Variants in GALNTL6 observed in about 807,000 individuals in gnomAD.
GALNTL6 encodes polypeptide N-acetylgalactosaminyltransferase-like 6.
Under a neutral mutation model 73.7 loss-of-function variants are expected in GALNTL6, and 46 were observed. The ratio of observed to expected loss-of-function variants is 0.62; its 90% CI spans 0.49 to 0.80. The LOEUF (loss-of-function observed/expected upper bound fraction) is 0.80. Ranked by LOEUF, GALNTL6 falls within the 30% of genes least tolerant of loss-of-function variation. GALNTL6 has a pLI of 0.00. For missense variants in GALNTL6, 604 were observed against 755.0 expected (o/e 0.80, Z 2.34); for synonymous variants, 259 against 263.7 (o/e 0.98, Z 0.17).
chr4:172,810,058 C>T (rs574854047), intron 6 of GALNTL6, among the ~76,000 whole-genome samples: 3 of 152,084 alleles, frequency 2.0e-5, no homozygotes, highest in East Asian at 3.9e-4. Context: ...TTTAAAATGC[C>T]GTTTCTTTTC....
intron 5 of GALNTL6, among the ~76,000 whole-genome samples, chr4:172,761,369 A>G (rs1370917444): frequency 6.6e-6 from 1 of 152,246 alleles, no homozygotes; most frequent in African/African-American, 2.4e-5. Flanking sequence ...TCAGTATTAT[A>G]TTAAAAATCT....
chr4:171,860,515 A>T (rs1052578482), intron 2 of GALNTL6, among the ~76,000 whole-genome samples: 4 of 152,222 alleles, frequency 2.6e-5, no homozygotes, highest in Non-Finnish European at 5.9e-5. Flanking sequence ...AACAATCAGT[A>T]TACCAACTAG....
chr4:172,959,850 G>A (rs1481458021), intron 10 of GALNTL6, among the ~76,000 whole-genome samples: 4 of 152,234 alleles, frequency 2.6e-5, no homozygotes, highest in East Asian at 1.9e-4. Context: ...CCTGGAGGAG[G>A]TGGGCCTGGA....
intron 2 of GALNTL6, among the ~76,000 whole-genome samples, chr4:171,977,435 T>C (rs1203506221): frequency 1.3e-5 from 2 of 152,176 alleles, no homozygotes; most frequent in East Asian, 1.9e-4. Flanking sequence ...AAGTCCAAGA[T>C]TAAGATGCCA....
intron 5 of GALNTL6, among the ~76,000 whole-genome samples, chr4:172,362,379 A>T (rs1416586199): frequency 1.8e-5 from 1 of 54,506 alleles, no homozygotes; most frequent in Non-Finnish European, 5.7e-5. Context: ...AATATTATTA[A>T]ACAAACTTAA....
chr4:172,820,988 A>G (rs1273909533), intron 7 of GALNTL6, among the ~76,000 whole-genome samples: 1 of 152,162 alleles, frequency 6.6e-6, no homozygotes, highest in Non-Finnish European at 1.5e-5. Context: ...CACAACCACA[A>G]CCACAGATCT....
intron 5 of GALNTL6, among the ~76,000 whole-genome samples, chr4:172,470,255 G>C (rs1732997179): frequency 6.6e-6 from 1 of 152,170 alleles, no homozygotes. Flanking sequence ...AGCTGGAAAA[G>C]AGGCTTTGAA....
chr4:172,643,937 T>C lies in GALNTL6; in HGVS notation c.554-165424T>C, dbSNP rs76827910. 2.7e-3 allele frequency among the ~76,000 whole-genome samples: 410 copies of C among 152,100 alleles called. 1 individual carries two copies. The highest frequency in any genetic ancestry group is 9.3e-3 in the African/African-American group (388 of 41,542). On this transcript the variant is annotated intron_variant, in intron 5 of 12. Coordinates refer to ENST00000506823, the MANE Select transcript of GALNTL6 (RefSeq NM_001034845.3). ...AAGGATCACTACTGGTCATGAAGTA[T>C]GCTTATGTTCAATCTTAGTAAATAT...
At chr4:172,378,147 A>C (rs985294233) in intron 5 of GALNTL6, among the ~76,000 whole-genome samples, 1 of 152,178 alleles carries the variant, frequency 6.6e-6, no homozygotes, top group African/African-American at 2.4e-5. Context: ...GAGCCGCCCG[A>C]GTTATCTGCT....
intron 2 of GALNTL6, among the ~76,000 whole-genome samples, chr4:172,014,673 A>G (rs1267241680): frequency 2.6e-5 from 4 of 151,962 alleles, no homozygotes; most frequent in African/African-American, 7.2e-5. Context: ...AGACTTTTCA[A>G]TGTAGGCATG....
intron 2 of GALNTL6, among the ~76,000 whole-genome samples, chr4:172,061,636 T>C (rs1405466681): frequency 6.6e-6 from 1 of 152,210 alleles, no homozygotes; most frequent in African/African-American, 2.4e-5. Flanking sequence ...TATGCTAGAA[T>C]TTAATTTTTC....
At chr4:172,938,348 C>T (rs1364637154) in intron 9 of GALNTL6, among the ~76,000 whole-genome samples, 2 of 152,054 alleles carry the variant, frequency 1.3e-5, no homozygotes, top group African/African-American at 4.8e-5. Context: ...CACCCCAAGT[C>T]GATTAATAAA....
chr4:172,251,055 C>G (rs541560605), intron 3 of GALNTL6, among the ~76,000 whole-genome samples: 1 of 151,970 alleles, frequency 6.6e-6, no homozygotes, highest in Non-Finnish European at 1.5e-5. Context: ...AAAATAAAAT[C>G]AACAGGATGT....
intron 2 of GALNTL6, among the ~76,000 whole-genome samples, chr4:172,177,811 ATG>A (rs750078747): frequency 1.5e-5 from 2 of 135,410 alleles, no homozygotes; most frequent in African/African-American, 6.6e-5. Context: ...ACACACATAT[ATG>A]TGTGTGTATA....
chr4:172,417,935 T>A (rs1226521677), intron 5 of GALNTL6, among the ~76,000 whole-genome samples: 5 of 152,166 alleles, frequency 3.3e-5, no homozygotes, highest in Admixed American at 1.3e-4. Context: ...ATTACTCAAG[T>A]TTTTTTGAGT....
At chr4:172,994,042 T>C (rs1422277841) in intron 10 of GALNTL6, among the ~76,000 whole-genome samples, 1 of 152,192 alleles carries the variant, frequency 6.6e-6, no homozygotes, top group Non-Finnish European at 1.5e-5. Flanking sequence ...GCATGATTCA[T>C]TGCATCCACA....
intron 8 of GALNTL6, among the ~76,000 whole-genome samples, chr4:172,903,507 T>A (rs1485910158): frequency 2.0e-5 from 3 of 152,192 alleles, no homozygotes; most frequent in Non-Finnish European, 4.4e-5. Context: ...CCATTAAACA[T>A]AAACATCAAT....
rs62331102 is a variant in GALNTL6, at chr4:172,112,502, G to T, written c.139-117154G>T. 1.2e-3 allele frequency among the ~76,000 whole-genome samples: 190 copies of T among 152,064 alleles called. 1 individual carries two copies. The highest frequency in any genetic ancestry group is 2.3e-3 in the Admixed American group (35 of 15,274). ...TTTCCAAAGAGGCTGTATCATTTTT[G>T]ATTCCCATCAGCAATGAATGAGAAT... On this transcript the variant is annotated intron_variant, in intron 2 of 12. Coordinates refer to ENST00000506823, the MANE Select transcript of GALNTL6 (RefSeq NM_001034845.3).
chr4:172,898,375 G>A (rs1374592215), intron 8 of GALNTL6, among the ~76,000 whole-genome samples: 11 of 144,848 alleles, frequency 7.6e-5, no homozygotes, highest in African/African-American at 1.3e-4. Flanking sequence ...AAATAATTAC[G>A]ATAACATATG....
Sources: allele counts gnomAD v4.1 joint callset (sites outside exome capture counted in the v4.1 genomes callset), GRCh38; gene constraint gnomAD v4.1.1; transcripts MANE v1.5; gene names NCBI Gene and HGNC (gene_info 2026-07-23, HGNC 2026-07-21).